Variants in MARCHF10 observed in about 807,000 individuals in gnomAD.
MARCHF10 encodes probable E3 ubiquitin-protein ligase MARCHF10.
In MARCHF10, 64 loss-of-function variants were observed where a neutral mutation model predicts 76.2. That is an observed-to-expected ratio of 0.84 (90% CI 0.69 to 1.03). The LOEUF is 1.03. Among genes scored for constraint, MARCHF10 ranks in the 50% least tolerant of loss-of-function variants. The pLI, the probability that MARCHF10 is intolerant of heterozygous loss-of-function variation, is 0.00. For missense variants in MARCHF10, 875 were observed against 958.0 expected (o/e 0.91, Z 1.14); for synonymous variants, 340 against 357.5 (o/e 0.95, Z 0.55).
intron 3 of MARCHF10, among the ~76,000 whole-genome samples, chr17:62,771,824 G>C (rs1302356478): frequency 1.3e-5 from 2 of 152,110 alleles, no homozygotes; most frequent in Non-Finnish European, 2.9e-5. Flanking sequence ...TGATCTGCCA[G>C]CCTCGGCCTC....
intron 1 of MARCHF10, 35 bp from the exon 2 acceptor site, chr17:62,801,787 G>C (rs767047185): frequency 2.0e-6 from 3 of 1,469,674 alleles, no homozygotes; most frequent in South Asian, 1.1e-5. Context: ...TGCTGTGTTA[G>C]AGTCCTTTGT....
At chr17:62,794,130 C>A (rs1234088332) in intron 2 of MARCHF10, among the ~76,000 whole-genome samples, 1 of 143,704 alleles carries the variant, frequency 7.0e-6, no homozygotes, top group Non-Finnish European at 1.5e-5. Flanking sequence ...ACCTCCATCA[C>A]CACCACCAAA....
chr17:62,737,143 T>G lies in MARCHF10; in HGVS notation c.725A>C (p.Lys242Thr), dbSNP rs146015773. The G allele has an allele frequency of 1.3e-3, 2,025 of 1,614,118 alleles. 13 individuals carry two copies. In the African/African-American group the frequency reaches 0.019, roughly 15 times the overall value. Residue 242 changes from lysine to threonine, a missense_variant, in exon 6 of 11, where the codon AAA (lysine) becomes ACA (threonine). Coordinates refer to ENST00000311269, the MANE Select transcript of MARCHF10 (RefSeq NM_152598.4). ...CTCACTCAATACTTGAGGACTATTT[T>G]TTCCTTGGAAGGCCTGGGACAGGGC... is the stretch of plus-strand genomic sequence containing the variant. ...HPALSQAFQGKNSPQVLSEFS... is the reference protein window; with the variant it reads ...HPALSQAFQGTNSPQVLSEFS...
intron 5 of MARCHF10, among the ~76,000 whole-genome samples, chr17:62,739,801 C>T (rs775293602): frequency 2.6e-5 from 4 of 152,110 alleles, no homozygotes; most frequent in Non-Finnish European, 5.9e-5. Context: ...AGGAGAAACA[C>T]CCAATGGGCA....
chr17:62,746,887 G>A, intron 4 of MARCHF10: 1 of 1,535,996 alleles, frequency 6.5e-7, no homozygotes, highest in Non-Finnish European at 8.7e-7. Context: ...GGATGCTTCT[G>A]CTCATGGGAC....
At chr17:62,795,022 C>G in intron 2 of MARCHF10, 3 of 985,230 alleles carry the variant, frequency 3.0e-6, no homozygotes, top group Non-Finnish European at 3.6e-6. Flanking sequence ...ACACATACCT[C>G]AAAGGTGAGC....
chr17:62,793,469 CCACCAT>C (rs2092917166), intron 2 of MARCHF10, among the ~76,000 whole-genome samples: 1 of 138,610 alleles, frequency 7.2e-6, no homozygotes, highest in Non-Finnish European at 1.6e-5. Context: ...ACCATCACCA[CCACCAT>C]CACCACCACC....
intron 6 of MARCHF10, among the ~76,000 whole-genome samples, chr17:62,727,219 C>A (rs115453939): frequency 6.8e-4 from 104 of 152,298 alleles, no homozygotes; most frequent in African/African-American, 2.3e-3. Flanking sequence ...ACTTAAGGTC[C>A]TCCATCTTCT....
Position 62,739,745 on chromosome 17 carries a change from C to T in MARCHF10, c.536-2413G>A, listed in dbSNP as rs145213387. 3.7e-3 allele frequency among the ~76,000 whole-genome samples: 564 copies of T among 152,194 alleles called. 8 individuals carry two copies. The highest frequency in any genetic ancestry group is 0.013 in the African/African-American group (550 of 41,518). ...GGAGGTGAGCTCACAGCGCTGGAAC[C>T]GGAATCTTCCGGTCATTCCCTGAAC... On this transcript the variant is annotated intron_variant, in intron 5 of 10. Transcript: ENST00000311269.
At chr17:62,715,965 C>T (rs1319949401) in intron 8 of MARCHF10, among the ~76,000 whole-genome samples, 1 of 152,214 alleles carries the variant, frequency 6.6e-6, no homozygotes, top group African/African-American at 2.4e-5. Context: ...CTAGAGGACA[C>T]GCCCTGATCT....
Position 62,736,555 on chromosome 17 carries a change from C to T in MARCHF10, c.1313G>A (p.Gly438Glu), listed in dbSNP as rs2091272702. ...ACTGTTTAAATAGTCTTTCCAGTAT[C>T]CTTCAGAATCATGGGTGCCAGGCCT... ...EHRPGTHDSEGYWKDYLNSSQ... is the reference protein window; with the variant it reads ...EHRPGTHDSEEYWKDYLNSSQ... Residue 438 changes from glycine (G) to glutamate (E), a missense_variant, in exon 6 of 11, where the codon GGA becomes GAA. Coordinates refer to ENST00000311269, the MANE Select transcript of MARCHF10 (RefSeq NM_152598.4). 4 of 1,614,052 alleles carry T rather than the reference C, an allele frequency of 2.5e-6. No homozygotes were observed. The highest frequency in any genetic ancestry group is 2.2e-5 in the South Asian group (2 of 91,074).
At position 62,723,559 on chromosome 17, in the gene MARCHF10, C is replaced by CTTTTT. The variant is rs60456766; in HGVS notation, c.2105-967_2105-963dup. On this transcript the variant is annotated intron_variant, in intron 7 of 10. Coordinates refer to ENST00000311269, the MANE Select transcript of MARCHF10 (RefSeq NM_152598.4). Reference sequence around the variant, plus strand: ...CCTTATCTGCATTTTGTTCGCTTGACTTTTTTTTTTTTTTTTTTTAGCGTC... The same window carrying CTTTTT: ...CCTTATCTGCATTTTGTTCGCTTGACTTTTTTTTTTTTTTTTTTTTTTTTAGCGTC... Among the ~76,000 whole-genome samples, 124 of 80,354 alleles carry CTTTTT rather than the reference C, an allele frequency of 1.5e-3. 15 individuals are homozygous for CTTTTT. The highest frequency in any genetic ancestry group is 5.9e-3 in the African/African-American group (108 of 18,376). 52.7% of individuals were successfully genotyped at this position (80,354 alleles called of 152,430 possible).
intron 2 of MARCHF10, among the ~76,000 whole-genome samples, chr17:62,789,683 AT>A (rs1328764445): frequency 6.6e-6 from 1 of 152,176 alleles, no homozygotes; most frequent in Admixed American, 6.5e-5. Context: ...CATGCCTGTA[AT>A]CCCAGCACTT....
At position 62,736,680 on chromosome 17, in the gene MARCHF10, C is replaced by T. The variant is rs751298866; in HGVS notation, c.1188G>A (p.Ala396=). ...TEKDRGGSEN[A]KKSPLSWDTK... ...TGTCCCACGAAAGAGGGCTCTTTTT[C>T]GCATTTTCACTGCCACCTCTGTCCT... is the stretch of plus-strand genomic sequence containing the variant. The change falls in exon 6 of 11, where the codon GCG becomes GCA. Residue 396 remains alanine (A), a synonymous_variant. Transcript: ENST00000311269. 43 of 1,614,004 alleles carry T rather than the reference C, an allele frequency of 2.7e-5. No individual in the cohort carries two copies. The Middle Eastern group carries it at 4.9e-4, about 19-fold the overall frequency.
At chr17:62,732,992 C>CAAAAAAAAAAAAAAAAAAAAAAAAA (rs398041783) in intron 6 of MARCHF10, among the ~76,000 whole-genome samples, 1 of 66,550 alleles carries the variant, frequency 1.5e-5, no homozygotes, top group African/African-American at 5.3e-5. Context: ...GACTCAGTCT[C>CAAAAAAAAAAAAAAAAAAAAAAAAA]AAAAAAAAAA....
At chr17:62,776,105 T>C (rs1157273115) in intron 3 of MARCHF10, among the ~76,000 whole-genome samples, 5 of 152,092 alleles carry the variant, frequency 3.3e-5, no homozygotes, top group Non-Finnish European at 5.9e-5. Flanking sequence ...CCTTAAATGG[T>C]TTTTAATAAG....
At chr17:62,763,365 A>C (rs2092257356) in intron 3 of MARCHF10, among the ~76,000 whole-genome samples, 1 of 152,198 alleles carries the variant, frequency 6.6e-6, no homozygotes. Flanking sequence ...TTCTCCAGGG[A>C]ATATAATCTA....
chr17:62,710,989 A>G (rs1370846251), intron 9 of MARCHF10, among the ~76,000 whole-genome samples: 1 of 152,146 alleles, frequency 6.6e-6, no homozygotes, highest in African/African-American at 2.4e-5. Context: ...TTATATGACC[A>G]TTGATGACCA....
chr17:62,767,450 C>CCTTTT (rs67106553), intron 3 of MARCHF10, among the ~76,000 whole-genome samples: 62,366 of 133,286 alleles, frequency 0.47, 16,004 homozygotes, highest in East Asian at 0.66. Flanking sequence ...GGTCTGTATT[C>CCTTTT]TTTTTTTTTT....
Sources: allele counts gnomAD v4.1 joint callset (sites outside exome capture counted in the v4.1 genomes callset), GRCh38; gene constraint gnomAD v4.1.1; transcripts MANE v1.5; gene names NCBI Gene and HGNC (gene_info 2026-07-23, HGNC 2026-07-21).